Variants in RBBP8 observed in about 807,000 individuals in gnomAD.
RBBP8 encodes the protein DNA endonuclease RBBP8.
RBBP8 carries 88 observed loss-of-function variants against 108.3 expected under a neutral mutation model. That is an observed-to-expected ratio of 0.81 (90% CI 0.68 to 0.97). RBBP8 has a LOEUF of 0.97. RBBP8 is among the 50% of genes least tolerant of loss of function. The pLI, the probability that RBBP8 is intolerant of heterozygous loss-of-function variation, is 0.00. For missense variants in RBBP8, 1,023 were observed against 1,049.0 expected (o/e 0.98, Z 0.34); for synonymous variants, 332 against 348.2 (o/e 0.95, Z 0.52).
At chr18:22,998,263 C>G (rs2045893030) in intron 14 of RBBP8, among the ~76,000 whole-genome samples, 1 of 152,042 alleles carries the variant, frequency 6.6e-6, no homozygotes, top group South Asian at 2.1e-4. Flanking sequence ...AGAAATCTAC[C>G]GAGAAGTCTT....
intron 4 of RBBP8, among the ~76,000 whole-genome samples, chr18:22,966,076 C>G (rs1028541412): frequency 1.3e-5 from 2 of 152,130 alleles, no homozygotes; most frequent in African/African-American, 4.8e-5. Context: ...TTCTATTTGC[C>G]CACCAGCTGC....
At chr18:22,924,700 G>C (rs1357881462) in intron 3 of RBBP8, among the ~76,000 whole-genome samples, 1 of 152,042 alleles carries the variant, frequency 6.6e-6, no homozygotes, top group African/African-American at 2.4e-5. Flanking sequence ...TGGGAGTACA[G>C]GCATGAGCCA....
rs928850562 is a variant in RBBP8 at position 22,941,846 on chromosome 18, A to G, written c.110-4598A>G. Reference sequence around the variant, plus strand: ...ATATATGAGCTCATAAGAGAAGATAATCTTTGGTACGTTATATTGATCATG... The same window carrying G: ...ATATATGAGCTCATAAGAGAAGATAGTCTTTGGTACGTTATATTGATCATG... On this transcript the variant is annotated intron_variant, in intron 2 of 18. Coordinates refer to ENST00000327155, the MANE Select transcript of RBBP8 (RefSeq NM_002894.3). Among the ~76,000 whole-genome samples the G allele has an allele frequency of 2.0e-5, 3 of 152,126 alleles. No individual in the cohort carries two copies. The South Asian group carries it at 6.2e-4, about 31-fold the overall frequency.
chr18:22,978,517 T>G (rs1914654661), intron 6 of RBBP8, among the ~76,000 whole-genome samples: 1 of 152,146 alleles, frequency 6.6e-6, no homozygotes, highest in African/African-American at 2.4e-5. Context: ...TTTGTTTTTT[T>G]GTTTTTTCCT....
chr18:23,024,734 A>G (rs542556542), intron 18 of RBBP8: 2 of 152,288 alleles, frequency 1.3e-5, no homozygotes, highest in Admixed American at 6.5e-5. Flanking sequence ...TGAAAACAAG[A>G]TATGTTTTCT....
intron 4 of RBBP8, among the ~76,000 whole-genome samples, chr18:22,950,711 A>G (rs1315953283): frequency 6.6e-6 from 1 of 152,206 alleles, no homozygotes; most frequent in East Asian, 1.9e-4. Context: ...GCTTGAGTCC[A>G]GTAGTTCAAA....
chr18:22,978,347 T>A (rs1476068072), intron 6 of RBBP8, among the ~76,000 whole-genome samples: 1 of 152,216 alleles, frequency 6.6e-6, no homozygotes, highest in African/African-American at 2.4e-5. Context: ...AACCAAAAGC[T>A]GTGACGTGAA....
intron 15 of RBBP8, among the ~76,000 whole-genome samples, chr18:23,006,014 G>A (rs1345973104): frequency 6.6e-6 from 1 of 151,888 alleles, no homozygotes; most frequent in Non-Finnish European, 1.5e-5. Context: ...GTGAAACCCT[G>A]TCTCTACTAA....
At chr18:22,985,696 G>A (rs1001139393) in intron 8 of RBBP8, among the ~76,000 whole-genome samples, 1 of 152,090 alleles carries the variant, frequency 6.6e-6, no homozygotes, top group African/African-American at 2.4e-5. Flanking sequence ...TAGAAGTTTG[G>A]TTTCGGTAAT....
chr18:22,946,546 A>G lies in RBBP8; in HGVS notation c.152+60A>G, dbSNP rs1379524797. 4 of 1,601,800 alleles carry G rather than the reference A, an allele frequency of 2.5e-6. No individual in the cohort carries two copies. In the African/African-American group the frequency reaches 4.0e-5, roughly 16 times the overall value. On this transcript the variant is annotated intron_variant, in intron 3 of 18. Coordinates refer to ENST00000327155, the MANE Select transcript of RBBP8 (RefSeq NM_002894.3). ...ATAGAGTAGTTGATACTGATGTCCA[A>G]TTTGACATTCATAGAGTAGTTGATA...
intron 8 of RBBP8, among the ~76,000 whole-genome samples, chr18:22,986,589 C>G (rs925863918): frequency 6.6e-6 from 1 of 151,534 alleles, no homozygotes; most frequent in Non-Finnish European, 1.5e-5. Context: ...ATAGCATGAT[C>G]GGCATTTATT....
chr18:23,023,976 C>T (rs376649887), intron 18 of RBBP8, among the ~76,000 whole-genome samples: 29 of 135,898 alleles, frequency 2.1e-4, no homozygotes, highest in African/African-American at 6.8e-4. Flanking sequence ...CAGGTTCAAG[C>T]GATTTTCCTG....
At chr18:22,976,896 A>G (rs565742743) in intron 6 of RBBP8, among the ~76,000 whole-genome samples, 4 of 152,260 alleles carry the variant, frequency 2.6e-5, no homozygotes, top group African/African-American at 9.6e-5. Flanking sequence ...TTTGCTTGGT[A>G]GAAATATGAA....
Position 23,016,681 on chromosome 18 carries a change from A to G in RBBP8, c.2358-147A>G. ...ATACCCATAAAAATACTTGGTGTATATATAGTAAGCACTTAATAAGTATTT... is the reference window on the plus strand; with the variant it reads ...ATACCCATAAAAATACTTGGTGTATGTATAGTAAGCACTTAATAAGTATTT... On this transcript the variant is annotated intron_variant, in intron 16 of 18. Transcript: ENST00000327155. 3 of 682,522 alleles carry G rather than the reference A, an allele frequency of 4.4e-6. No individual in the cohort carries two copies. The South Asian group carries it at 5.0e-5, about 11-fold the overall frequency. The allele number at this position is 682,522 out of a possible 1,614,324, so 42.3% of individuals were successfully genotyped here.
At chr18:23,004,213 C>T (rs190256886) in intron 15 of RBBP8, among the ~76,000 whole-genome samples, 1 of 151,784 alleles carries the variant, frequency 6.6e-6, no homozygotes, top group Non-Finnish European at 1.5e-5. Context: ...AGCCAAGATA[C>T]GGAATCAGCC....
chr18:22,980,965 C>CTTTTTTT (rs1167377654), intron 6 of RBBP8, among the ~76,000 whole-genome samples: 3,330 of 69,398 alleles, frequency 0.048, 934 homozygotes, highest in East Asian at 0.093. Flanking sequence ...CCACTTATGT[C>CTTTTTTT]TTTTTTTTTT....
intron 17 of RBBP8, among the ~76,000 whole-genome samples, chr18:23,021,788 GTA>G (rs1270723466): frequency 2.0e-5 from 3 of 149,298 alleles, no homozygotes; most frequent in Admixed American, 2.0e-4. Flanking sequence ...TAAATCAGCT[GTA>G]TCACTAAGCA....
At chr18:22,927,716 C>T (rs1305761887) in intron 3 of RBBP8, among the ~76,000 whole-genome samples, 7 of 151,788 alleles carry the variant, frequency 4.6e-5, no homozygotes, top group Admixed American at 4.6e-4. Flanking sequence ...TTAATTTCAC[C>T]TGATTTTTAC....
At chr18:23,003,239 C>T (rs2045977336) in intron 15 of RBBP8, among the ~76,000 whole-genome samples, 1 of 152,334 alleles carries the variant, frequency 6.6e-6, no homozygotes, top group South Asian at 2.1e-4. Context: ...TTTCTGAGTA[C>T]TGTGAGATAC....
Sources: gnomAD v4.1 joint callset for allele counts (sites outside exome capture counted in the v4.1 genomes callset) on GRCh38, gnomAD v4.1.1 for gene constraint, MANE v1.5 for transcripts, NCBI Gene and HGNC (gene_info 2026-07-23, HGNC 2026-07-21) for gene names.